The following WNT11 variants were observed in gnomAD, a reference collection of about 807,000 sequenced individuals.
WNT11 encodes the protein Wnt family member 11.
WNT11 carries 20 observed loss-of-function variants against 35.6 expected under a neutral mutation model. The ratio of observed to expected loss-of-function variants is 0.56; its 90% CI spans 0.40 to 0.82. WNT11 has a LOEUF of 0.82. Among genes scored for constraint, WNT11 ranks in the 40% least tolerant of loss-of-function variants. WNT11 has a pLI of 0.00. For synonymous variants in WNT11, 200 were observed against 211.9 expected, an observed-to-expected ratio of 0.94 and a Z score of 0.49; for missense variants, 459 against 504.4, an observed-to-expected ratio of 0.91 and a Z score of 0.86.
At chr11:76,206,627 G>A, upstream of WNT11, 2 of 999,894 alleles carry the variant, frequency 2.0e-6, no homozygotes, top group Non-Finnish European at 2.5e-6. Context: ...CTCCCGCTCC[G>A]CCCGGCCGGG....
At chr11:76,206,516 G>C, upstream of WNT11, 2 of 1,239,736 alleles carry the variant, frequency 1.6e-6, no homozygotes, top group African/African-American at 1.6e-5. Flanking sequence ...CGGGGAGAGC[G>C]GAGGCGGCGG....
chr11:76,199,678 C>CT (rs1234021876), intron 1 of WNT11, among the ~76,000 whole-genome samples: 1 of 152,102 alleles, frequency 6.6e-6, no homozygotes, highest in East Asian at 1.9e-4. Context: ...TGGTGCGCGC[C>CT]TGTAGTCCCA....
upstream of WNT11, among the ~76,000 whole-genome samples, chr11:76,208,881 A>G (rs1039453922): frequency 1.3e-5 from 2 of 152,188 alleles, no homozygotes; most frequent in African/African-American, 4.8e-5. Context: ...CGCCCGGGAC[A>G]GCCGCGCAGG....
At chr11:76,205,400 C>T (rs1953455952) in intron 1 of WNT11, among the ~76,000 whole-genome samples, 1 of 152,142 alleles carries the variant, frequency 6.6e-6, no homozygotes, top group South Asian at 2.1e-4. Context: ...CTGCCCACAG[C>T]GTCCTCTCCA....
chr11:76,193,308 G>C (rs1953212660), intron 3 of WNT11, among the ~76,000 whole-genome samples: 1 of 152,244 alleles, frequency 6.6e-6, no homozygotes, highest in Admixed American at 6.5e-5. Context: ...GGCCTGATTT[G>C]CCCTGAGGCG....
At chr11:76,202,466 C>T (rs576275587) in intron 1 of WNT11, among the ~76,000 whole-genome samples, 1 of 152,168 alleles carries the variant, frequency 6.6e-6, no homozygotes, top group African/African-American at 2.4e-5. Context: ...CTTTCCTGGG[C>T]CCCACCTCAT....
At chr11:76,197,571 C>A (rs976437681) in intron 1 of WNT11, among the ~76,000 whole-genome samples, 2 of 152,166 alleles carry the variant, frequency 1.3e-5, no homozygotes, top group African/African-American at 4.8e-5. Context: ...AGTCCTGCAG[C>A]AAAGCAACAG....
upstream of WNT11, among the ~76,000 whole-genome samples, chr11:76,207,128 G>C (rs943746357): frequency 6.6e-6 from 1 of 152,178 alleles, no homozygotes; most frequent in Non-Finnish European, 1.5e-5. Flanking sequence ...TTGGGAGGTC[G>C]AGGCGGGCGG....
At position 76,197,711 on chromosome 11, in the gene WNT11, C is replaced by A. The variant is rs114220363; in HGVS notation, c.84-993G>T. Among the ~76,000 whole-genome samples the A allele has an allele frequency of 7.4e-3, 1,132 of 152,190 alleles. 17 individuals are homozygous for A. The highest frequency in any genetic ancestry group is 0.026 in the African/African-American group (1,091 of 41,512). On this transcript the variant is annotated intron_variant, in intron 1 of 4. Coordinates refer to ENST00000322563, the MANE Select transcript of WNT11 (RefSeq NM_004626.3). ...CGTTAGCCTGGTGGGTCCCTATGAA[C>A]CCTGGTGATGTTAGAGGACCCAAGA...
chr11:76,191,263 C>T (rs937824682), intron 4 of WNT11, among the ~76,000 whole-genome samples: 2 of 152,192 alleles, frequency 1.3e-5, no homozygotes, highest in Non-Finnish European at 2.9e-5. Flanking sequence ...CCCCCAGTAG[C>T]GTCATTGTCT....
intron 1 of WNT11, among the ~76,000 whole-genome samples, chr11:76,205,219 C>T (rs891895710): frequency 3.9e-5 from 6 of 152,202 alleles, no homozygotes; most frequent in Admixed American, 3.9e-4. Context: ...AGACTGTTTG[C>T]TGGCGGCGCA....
intron 2 of WNT11, among the ~76,000 whole-genome samples, chr11:76,195,941 C>G (rs1953276915): frequency 6.6e-6 from 1 of 152,174 alleles, no homozygotes; most frequent in Non-Finnish European, 1.5e-5. Context: ...CAAAAGCCTC[C>G]CTATTGTACA....
intron 1 of WNT11, 93 bp from the exon 2 acceptor site, chr11:76,196,811 T>C (rs1292683102): frequency 1.5e-6 from 2 of 1,371,802 alleles, no homozygotes; most frequent in East Asian, 5.0e-5. Context: ...CCCCAGCCTT[T>C]CCCTCAATGG....
chr11:76,209,182 C>T (rs2134616809), upstream of WNT11, among the ~76,000 whole-genome samples: 1 of 152,282 alleles, frequency 6.6e-6, no homozygotes, highest in African/African-American at 2.4e-5. Context: ...TAGTGGGCCG[C>T]GCCAGGCGTA....
At chr11:76,204,406 G>A (rs950222073) in intron 1 of WNT11, among the ~76,000 whole-genome samples, 3 of 152,170 alleles carry the variant, frequency 2.0e-5, no homozygotes, top group African/African-American at 4.8e-5. Context: ...AGGTCTCCCC[G>A]CATGCGCTGT....
intron 1 of WNT11, among the ~76,000 whole-genome samples, chr11:76,200,225 G>A (rs767280437): frequency 2.0e-5 from 3 of 152,250 alleles, no homozygotes; most frequent in East Asian, 1.9e-4. Flanking sequence ...ACTATGAGTC[G>A]GGAAATGTCT....
rs1221969778 is a variant in WNT11 at position 76,191,722 on chromosome 11, G to A, written c.732C>T (p.Ala244=). The A allele has an allele frequency of 6.2e-7, 1 of 1,613,858 alleles. No individual in the cohort carries two copies. The highest frequency in any genetic ancestry group is 1.7e-5 in the Admixed American group (1 of 60,026). ...CCATGGGTCGGTGCACTACCTTGGT[G>A]GCCGACAGGTATCGGGTCTTGAGGT... is the stretch of plus-strand genomic sequence containing the variant. ...AADLKTRYLS[A]TKVVHRPMGT... Residue 244 remains alanine, a synonymous_variant, in exon 4 of 5, where the codon GCC becomes GCT. Coordinates refer to ENST00000322563, the MANE Select transcript of WNT11 (RefSeq NM_004626.3).
rs773191751 is a variant in WNT11 at position 76,194,860 on chromosome 11, G to A, written c.320-16C>T. The A allele has an allele frequency of 6.7e-6, 10 of 1,486,388 alleles. No individual in the cohort carries two copies. The African/African-American group carries it at 1.4e-4, about 21-fold the overall frequency. The allele number at this position is 1,486,388 out of a possible 1,614,324, so 92.1% of individuals were successfully genotyped here. A position where few individuals can be genotyped will look rare whatever the true frequency, so the allele number is the denominator to read the frequency against. The stretch of plus-strand genomic sequence containing the variant: ...TCCCGGGTCCCTGAGGGTGGGAGGG[G>A]AAGGTCAGCCGACGCTGATCCAGGG... On this transcript the variant is annotated splice_polypyrimidine_tract_variant and intron_variant, in intron 2 of 4. Transcript: ENST00000322563. This position sits in a 1 kb window ranked among gnomAD's most constrained non-coding sequence, Gnocchi z 5.4.
Position 76,186,985 on chromosome 11 carries a change from G to C in WNT11, c.*80C>G. 5.0e-6 allele frequency: 8 copies of C among 1,587,018 alleles called. No individual in the cohort carries two copies. Among genetic ancestry groups the C allele is most frequent in the Non-Finnish European group, 6.8e-6 (8 of 1,171,278 alleles). ...GAATTCACAAGCAGAGCTCCATGGA[G>C]TGTCTCCAGGCCCCTGGCCCCAGTT... is the stretch of plus-strand genomic sequence containing the variant. On this transcript the variant is annotated 3_prime_UTR_variant, in exon 5 of 5. Transcript: ENST00000322563.
Sources: gnomAD v4.1 joint callset for allele counts (sites outside exome capture counted in the v4.1 genomes callset) on GRCh38, gnomAD v4.1.1 for gene constraint, Gnocchi (gnomAD v3.1) non-coding constraint, MANE v1.5 for transcripts, NCBI Gene and HGNC (gene_info 2026-07-23, HGNC 2026-07-21) for gene names.